IQSEC2: variants seen among roughly 807,000 people sequenced by gnomAD.
IQSEC2 encodes the protein IQ motif and SEC7 domain-containing protein 2.
Under a neutral mutation model 74.6 loss-of-function variants are expected in IQSEC2, and 6 were observed. That is an observed-to-expected ratio of 0.08 (90% CI 0.04 to 0.16). IQSEC2 has a LOEUF of 0.16. IQSEC2 is among the 10% of genes least tolerant of loss of function. The pLI is 1.00. For synonymous variants in IQSEC2, 494 were observed against 544.5 expected (o/e 0.91, Z 1.29); for missense variants, 734 against 1,306.2 (o/e 0.56, Z 6.75).
intron 2 of IQSEC2, among the ~76,000 whole-genome samples, chrX:53,262,989 T>C (rs1466419993): frequency 8.9e-6 from 1 of 112,259 alleles, no homozygotes; most frequent in East Asian, 2.8e-4. Context: ...TCAGCACTGG[T>C]GGAGCCAAGA....
chrX:53,309,550 C>T (rs60749916), intron 1 of IQSEC2, among the ~76,000 whole-genome samples: 14,182 of 110,892 alleles, frequency 0.13, 757 homozygotes, highest in East Asian at 0.26. Context: ...GTAAGAGAGG[C>T]GGGTGACGGG....
At chrX:53,292,910 T>C (rs1430876222) in intron 1 of IQSEC2, among the ~76,000 whole-genome samples, 2 of 111,615 alleles carry the variant, frequency 1.8e-5, no homozygotes, top group African/African-American at 6.5e-5. Flanking sequence ...TGGGAGCGTG[T>C]GGGACACGGA....
intron 12 of IQSEC2, 51 bp downstream of exon 12, chrX:53,238,093 TG>T: frequency 2.6e-6 from 3 of 1,145,822 alleles, no homozygotes; most frequent in South Asian, 1.9e-5. Context: ...TCTTGGTTTC[TG>T]CAGGGTACTG....
At chrX:53,305,028 C>T (rs931521096) in intron 1 of IQSEC2, among the ~76,000 whole-genome samples, 2 of 109,868 alleles carry the variant, frequency 1.8e-5, no homozygotes, top group African/African-American at 3.3e-5. Flanking sequence ...AAGTGATTCT[C>T]GTGCCCCAGC....
intron 2 of IQSEC2, among the ~76,000 whole-genome samples, chrX:53,276,377 A>C (rs1556869578): frequency 8.9e-6 from 1 of 112,043 alleles, no homozygotes; most frequent in Non-Finnish European, 1.9e-5. Context: ...AGAGAAGTTA[A>C]TGGTTTGCGT....
At position 53,233,979 on chromosome X, in the gene IQSEC2, C is replaced by A; in HGVS notation, c.*240G>T. The A allele has an allele frequency of 6.7e-6, 2 of 298,242 alleles. No individual in the cohort carries two copies. Among genetic ancestry groups the A allele is most frequent in the Non-Finnish European group, 1.2e-5 (2 of 171,744 alleles). 24.6% of individuals were successfully genotyped at this position (298,242 alleles called of 1,213,427 possible). On this transcript the variant is annotated 3_prime_UTR_variant, in exon 15 of 15. Coordinates refer to ENST00000642864, the MANE Select transcript of IQSEC2 (RefSeq NM_001111125.3). The stretch of plus-strand genomic sequence containing the variant: ...ATCTCTGGAAGGCCCTCACCACTCC[C>A]CAGCGCTGGAGCACCCTGAGTCCAG...
chrX:53,249,157 T>C (rs782237254), intron 5 of IQSEC2, among the ~76,000 whole-genome samples: 187 of 110,792 alleles, frequency 1.7e-3, no homozygotes, highest in Non-Finnish European at 3.0e-3. Flanking sequence ...TGAAAGAAAA[T>C]CAGTATCTAA....
rs782523781 is a variant in IQSEC2 at position 53,287,387 on chromosome X, A to C, written c.737+4508T>G. Among the ~76,000 whole-genome samples the C allele has an allele frequency of 5.5e-3, 625 of 112,615 alleles. 4 individuals carry two copies. Among genetic ancestry groups the C allele is most frequent in the African/African-American group, 0.019 (598 of 30,993 alleles). On this transcript the variant is annotated intron_variant, in intron 2 of 14. Coordinates refer to ENST00000642864, the MANE Select transcript of IQSEC2 (RefSeq NM_001111125.3). ...AGCTCCCTGGTTCCCTGACACTTGC[A>C]ACCACAGCCACACGCTCCAGCCACA...
intron 4 of IQSEC2, among the ~76,000 whole-genome samples, chrX:53,252,642 G>A (rs1473012261): frequency 6.3e-5 from 7 of 111,234 alleles, no homozygotes; most frequent in Admixed American, 9.6e-5. Flanking sequence ...CAGATATTGC[G>A]GGCTCTCCCT....
At chrX:53,288,188 C>A (rs2075052525) in intron 2 of IQSEC2, among the ~76,000 whole-genome samples, 1 of 111,342 alleles carries the variant, frequency 9.0e-6, no homozygotes, top group Non-Finnish European at 1.9e-5. Flanking sequence ...GATGGGGGAG[C>A]CACAGACGGT....
At chrX:53,280,129 T>G (rs1602334952) in intron 2 of IQSEC2, among the ~76,000 whole-genome samples, 2 of 82,014 alleles carry the variant, frequency 2.4e-5, no homozygotes, top group Admixed American at 1.6e-4. Context: ...GACACCACAG[T>G]AGGGAAGGGG....
chrX:53,298,988 G>A (rs782719046), intron 1 of IQSEC2, among the ~76,000 whole-genome samples: 51 of 111,471 alleles, frequency 4.6e-4, no homozygotes, highest in Non-Finnish European at 7.7e-4. Context: ...AATAGCCTTG[G>A]ACTATCTGAT....
intron 1 of IQSEC2, among the ~76,000 whole-genome samples, chrX:53,294,800 T>TTTTA (rs782340907): frequency 1.1e-3 from 126 of 111,536 alleles, no homozygotes; most frequent in African/African-American, 3.6e-3. Context: ...CCCCACAGCC[T>TTTTA]TTTATTTATT....
At chrX:53,236,913 T>C in intron 12 of IQSEC2, among the ~76,000 whole-genome samples, 1 of 111,773 alleles carries the variant, frequency 8.9e-6, no homozygotes, top group Non-Finnish European at 1.9e-5. Flanking sequence ...TTCTAGCCTA[T>C]GGCAAAGGGC....
In IQSEC2 at chrX:53,266,686, TTCCAAGC is replaced by T. The variant is rs201333139; in HGVS notation, c.738-10632_738-10626del. 20 of 878,704 alleles carry T rather than the reference TTCCAAGC, an allele frequency of 2.3e-5. 1 individual carries two copies. The highest frequency in any genetic ancestry group is 2.8e-5 in the Non-Finnish European group (20 of 718,570). 72.4% of individuals were successfully genotyped at this position (878,704 alleles called of 1,213,427 possible). A position where few individuals can be genotyped will look rare whatever the true frequency, so the allele number is the denominator to read the frequency against. The stretch of plus-strand genomic sequence containing the variant: ...GAGTGCGGGTACGGGAGGATCCAGG[TTCCAAGC>T]TCCAAGCTCCAAGCTCTGCTTCTCC... On this transcript the variant is annotated intron_variant, in intron 2 of 14. Transcript: ENST00000642864.
chrX:53,272,542 C>A (rs1314907814), intron 2 of IQSEC2, among the ~76,000 whole-genome samples: 4 of 111,298 alleles, frequency 3.6e-5, no homozygotes, highest in Non-Finnish European at 5.7e-5. Flanking sequence ...AAAGTTGGGA[C>A]TGAAATTGCC....
rs186909855 is a variant in IQSEC2 at position 53,241,988 on chromosome X, G to A, written c.2890-79C>T. 4,903 of 1,121,738 alleles carry A rather than the reference G, an allele frequency of 4.4e-3. 15 individuals carry two copies. Among genetic ancestry groups the A allele is most frequent in the Non-Finnish European group, 5.3e-3 (4,436 of 832,900 alleles). 92.4% of individuals were successfully genotyped at this position (1,121,738 alleles called of 1,213,427 possible). A position where few individuals can be genotyped will look rare whatever the true frequency, so the allele number is the denominator to read the frequency against. ...CCTCCTGGCACCTTAACTTTCAACC[G>A]CAAGAAGTTTACCACTCATACATGT... On this transcript the variant is annotated intron_variant, in intron 9 of 14. Transcript: ENST00000642864.
rs57075940 is a variant in IQSEC2, at chrX:53,289,559, G to T, written c.737+2336C>A. Among the ~76,000 whole-genome samples, 3 of 111,219 alleles carry T rather than the reference G, an allele frequency of 2.7e-5. No homozygotes were observed. The Admixed American group carries it at 2.9e-4, about 11-fold the overall frequency. On this transcript the variant is annotated intron_variant, in intron 2 of 14. Transcript: ENST00000642864. Reference sequence around the variant, plus strand: ...CAGTCCCCGACAGCCCTGCTCAGACGCTGCCTGCTCCAGCAAGCTCTCCTT... The same window carrying T: ...CAGTCCCCGACAGCCCTGCTCAGACTCTGCCTGCTCCAGCAAGCTCTCCTT...
chrX:53,244,260 G>C, intron 8 of IQSEC2, among the ~76,000 whole-genome samples: 1 of 107,645 alleles, frequency 9.3e-6, no homozygotes, highest in Non-Finnish European at 1.9e-5. Flanking sequence ...GCTAGGGCAG[G>C]CGTGGTATAA....
Sources: allele counts gnomAD v4.1 joint callset (sites outside exome capture counted in the v4.1 genomes callset), GRCh38; gene constraint gnomAD v4.1.1; transcripts MANE v1.5; gene names NCBI Gene and HGNC (gene_info 2026-07-23, HGNC 2026-07-21).